Variants in LIPC observed in about 807,000 individuals in gnomAD.
The protein encoded by LIPC is lipase C, hepatic type.
A neutral mutation model predicts 50.7 loss-of-function variants in LIPC; 44 were observed. The observed-to-expected ratio is 0.87, with a 90% CI of 0.68 to 1.11. The LOEUF is 1.11. Ranked by LOEUF, LIPC falls within the 50% of genes most tolerant of loss-of-function variation. The pLI, the probability that LIPC is intolerant of heterozygous loss-of-function variation, is 0.00. For missense variants in LIPC, 697 were observed against 648.2 expected (o/e 1.08, Z -0.82); for synonymous variants, 271 against 256.4 (o/e 1.06, Z -0.54).
intron 1 of LIPC, among the ~76,000 whole-genome samples, chr15:58,437,946 G>A (rs549368672): frequency 6.6e-6 from 1 of 152,136 alleles, no homozygotes; most frequent in South Asian, 2.1e-4. Flanking sequence ...TGGAGAGACG[G>A]GGGACAGCAG....
chr15:58,530,272 G>A (rs888571659), intron 1 of LIPC, among the ~76,000 whole-genome samples: 12 of 152,272 alleles, frequency 7.9e-5, no homozygotes, highest in East Asian at 1.9e-4. Flanking sequence ...AAGACCTTCC[G>A]GACATGCCAA....
chr15:58,538,264 T>G, intron 1 of LIPC, 69 bp from the exon 2 acceptor site: 2 of 1,483,210 alleles, frequency 1.3e-6, no homozygotes, highest in Non-Finnish European at 9.4e-7. Flanking sequence ...GAAGCAGCCT[T>G]TGAGAAGACG....
intron 1 of LIPC, among the ~76,000 whole-genome samples, chr15:58,443,339 GC>G (rs1353314365): frequency 6.6e-6 from 1 of 152,146 alleles, no homozygotes; most frequent in African/African-American, 2.4e-5. Context: ...AGCCTCAGTG[GC>G]CCAAGGGGAA....
intron 1 of LIPC, among the ~76,000 whole-genome samples, chr15:58,530,776 A>T (rs1228842532): frequency 2.6e-5 from 4 of 152,128 alleles, no homozygotes; most frequent in African/African-American, 4.8e-5. Context: ...ACCCTTTTAA[A>T]TCTAGCTTCT....
At chr15:58,532,785 A>G (rs1351925204) in intron 1 of LIPC, among the ~76,000 whole-genome samples, 3 of 152,226 alleles carry the variant, frequency 2.0e-5, no homozygotes, top group African/African-American at 7.2e-5. Context: ...AATTGCCTGC[A>G]GTCACCCATC....
chr15:58,520,017 A>G (rs1892605442), intron 1 of LIPC, among the ~76,000 whole-genome samples: 1 of 151,664 alleles, frequency 6.6e-6, no homozygotes. Flanking sequence ...AGAGCATTAG[A>G]TGGTAGGTCC....
intron 1 of LIPC, among the ~76,000 whole-genome samples, chr15:58,451,196 G>A (rs1278356529): frequency 2.0e-5 from 3 of 152,162 alleles, no homozygotes; most frequent in African/African-American, 7.2e-5. Context: ...CTGAGACCCA[G>A]GCCTCGAGTG....
intron 1 of LIPC, among the ~76,000 whole-genome samples, chr15:58,440,510 T>A (rs886383335): frequency 6.6e-6 from 1 of 152,202 alleles, no homozygotes; most frequent in African/African-American, 2.4e-5. Context: ...CCAGGCCCCA[T>A]GGTCAGTAGG....
chr15:58,509,640 C>T (rs949052729), intron 1 of LIPC, among the ~76,000 whole-genome samples: 18 of 152,244 alleles, frequency 1.2e-4, no homozygotes, highest in African/African-American at 3.6e-4. Context: ...CTATGGCTTA[C>T]CAACTCCCCA....
At chr15:58,501,347 CTTT>C (rs11453466) in intron 1 of LIPC, among the ~76,000 whole-genome samples, 2,427 of 134,836 alleles carry the variant, frequency 0.018, 71 homozygotes, top group African/African-American at 0.063. Context: ...GCCTCTCATA[CTTT>C]TTTTTTTTTT....
rs781489450 is a variant in LIPC, at chr15:58,545,886, A to C, written c.719A>C (p.His240Pro). 2 of 1,614,192 alleles carry C rather than the reference A, an allele frequency of 1.2e-6. No individual in the cohort carries two copies. Among genetic ancestry groups the C allele is most frequent in the South Asian group, 2.2e-5 (2 of 91,078 alleles). Reference sequence around the variant, plus strand: ...GTGGGCATCAAACAGCCCATAGGACACTATGACTTCTATCCCAACGGGGGC... The same window carrying C: ...GTGGGCATCAAACAGCCCATAGGACCCTATGACTTCTATCCCAACGGGGGC... Reference protein sequence around the residue: ...LSVGIKQPIGHYDFYPNGGSF... With the variant: ...LSVGIKQPIGPYDFYPNGGSF... The change falls in exon 5 of 9, where the codon CAC becomes CCC. Residue 240 changes from histidine (H) to proline (P), a missense_variant. Coordinates refer to ENST00000299022, the MANE Select transcript of LIPC (RefSeq NM_000236.3).
intron 1 of LIPC, among the ~76,000 whole-genome samples, chr15:58,509,073 G>A (rs1334730849): frequency 6.6e-6 from 1 of 152,144 alleles, no homozygotes; most frequent in Non-Finnish European, 1.5e-5. Flanking sequence ...AAAATGAAGA[G>A]GATATGTATG....
At chr15:58,490,800 C>T (rs1891560375) in intron 1 of LIPC, among the ~76,000 whole-genome samples, 1 of 152,132 alleles carries the variant, frequency 6.6e-6, no homozygotes, top group Non-Finnish European at 1.5e-5. Flanking sequence ...CTGGTCGCTT[C>T]CGGCTCTGAT....
At chr15:58,452,798 A>ACC (rs1259978602) in intron 1 of LIPC, among the ~76,000 whole-genome samples, 1 of 152,108 alleles carries the variant, frequency 6.6e-6, no homozygotes, top group East Asian at 1.9e-4. Flanking sequence ...TCAGAGCCCA[A>ACC]CCCCCATGGG....
chr15:58,531,323 T>C (rs1366739518), intron 1 of LIPC, among the ~76,000 whole-genome samples: 3 of 152,160 alleles, frequency 2.0e-5, no homozygotes. Flanking sequence ...CTACACAGGG[T>C]GGAATGTGCC....
chr15:58,464,376 A>G (rs1023071094), intron 1 of LIPC, among the ~76,000 whole-genome samples: 97 of 152,362 alleles, frequency 6.4e-4, no homozygotes, highest in African/African-American at 2.3e-3. Flanking sequence ...AATCCAATCA[A>G]AGCCCAACCT....
At position 58,569,793 on chromosome 15, in the gene LIPC, G is replaced by C. The variant is rs1181094112; in HGVS notation, c.*966G>C. The C allele has an allele frequency of 6.4e-6, 1 of 156,776 alleles. No homozygotes were observed. The highest frequency in any genetic ancestry group is 2.4e-5 in the African/African-American group (1 of 41,538). The allele number at this position is 156,776 out of a possible 1,614,324, so 9.7% of individuals were successfully genotyped here. A position where few individuals can be genotyped will look rare whatever the true frequency, so the allele number is the denominator to read the frequency against. On this transcript the variant is annotated 3_prime_UTR_variant, in exon 9 of 9. Coordinates refer to ENST00000299022, the MANE Select transcript of LIPC (RefSeq NM_000236.3). ...CCAGATCTGCTGGCACCTTTATCTT[G>C]GACTTCTCAGCTTCCAGAACTGTGA...
intron 1 of LIPC, among the ~76,000 whole-genome samples, chr15:58,432,927 T>G (rs891219099): frequency 7.0e-4 from 107 of 152,336 alleles, no homozygotes; most frequent in African/African-American, 2.5e-3. Flanking sequence ...TGGAGAGAGC[T>G]CCGACAACTT....
At chr15:58,486,221 C>T (rs556028852) in intron 1 of LIPC, among the ~76,000 whole-genome samples, 1 of 152,308 alleles carries the variant, frequency 6.6e-6, no homozygotes, top group East Asian at 1.9e-4. Context: ...TGGAGAGTCC[C>T]ACTCCTTGGA....
Sources: allele counts gnomAD v4.1 joint callset (sites outside exome capture counted in the v4.1 genomes callset), GRCh38; gene constraint gnomAD v4.1.1; transcripts MANE v1.5; gene names NCBI Gene and HGNC (gene_info 2026-07-23, HGNC 2026-07-21).